The following WWC2 variants were observed in gnomAD, a reference collection of about 807,000 sequenced individuals.
WWC2 encodes the protein protein WWC2.
WWC2 carries 101 observed loss-of-function variants against 138.5 expected under a neutral mutation model. The ratio of observed to expected loss-of-function variants is 0.73; its 90% CI spans 0.62 to 0.86. The LOEUF (loss-of-function observed/expected upper bound fraction) is 0.86, where lower values mean the gene tolerates loss of function less well. Among genes scored for constraint, WWC2 ranks in the 40% least tolerant of loss-of-function variants. The pLI is 0.00. For synonymous variants in WWC2, 558 were observed against 538.4 expected (o/e 1.04, Z -0.50); for missense variants, 1,420 against 1,419.4 (o/e 1.00, Z -0.01).
chr4:183,224,592 G>A (rs866055386), intron 4 of WWC2, among the ~76,000 whole-genome samples: 4 of 151,944 alleles, frequency 2.6e-5, no homozygotes, highest in Non-Finnish European at 5.9e-5. Context: ...ACGGAGTCTC[G>A]CTCTGTCACC....
chr4:183,270,191 T>G (rs1477154796), intron 15 of WWC2, among the ~76,000 whole-genome samples: 1 of 152,246 alleles, frequency 6.6e-6, no homozygotes, highest in Non-Finnish European at 1.5e-5. Context: ...AGATGTCATA[T>G]TTAGTATAAT....
intron 16 of WWC2, among the ~76,000 whole-genome samples, chr4:183,279,335 C>T (rs1348603117): frequency 6.6e-6 from 1 of 151,958 alleles, no homozygotes; most frequent in Non-Finnish European, 1.5e-5. Flanking sequence ...CCCACTTGAT[C>T]ATGGTGGATA....
intron 2 of WWC2, among the ~76,000 whole-genome samples, chr4:183,201,428 C>T (rs916211811): frequency 1.3e-5 from 2 of 152,166 alleles, no homozygotes; most frequent in African/African-American, 4.8e-5. Context: ...GCAGTGGTTG[C>T]ACTGTGCCCG....
Position 183,099,402 on chromosome 4 carries a change from G to T in WWC2, c.-90G>T. ...AGCCCCTCGCCGGCGCCCGCGTCGC[G>T]GGTTGGCAGCCTAGCCCGGCAGCCG... On this transcript the variant is annotated 5_prime_UTR_variant, in exon 1 of 23. Transcript: ENST00000403733. 2 of 1,070,752 alleles carry T rather than the reference G, an allele frequency of 1.9e-6. No homozygotes were observed. The highest frequency in any genetic ancestry group is 2.3e-6 in the Non-Finnish European group (2 of 858,080). The allele number at this position is 1,070,752 out of a possible 1,614,324, so 66.3% of individuals were successfully genotyped here.
chr4:183,188,605 TCTA>T (rs1275456004), intron 1 of WWC2, among the ~76,000 whole-genome samples: 50 of 146,292 alleles, frequency 3.4e-4, no homozygotes, highest in African/African-American at 1.3e-3. Flanking sequence ...TCTCTCTCTC[TCTA>T]TCTAATATGA....
At chr4:183,190,565 A>G (rs1442336853) in intron 1 of WWC2, among the ~76,000 whole-genome samples, 2 of 152,114 alleles carry the variant, frequency 1.3e-5, no homozygotes, top group Non-Finnish European at 2.9e-5. Context: ...GGTTTTACTT[A>G]TTGATAGAGT....
chr4:183,150,625 G>T (rs1015433495), intron 1 of WWC2, among the ~76,000 whole-genome samples: 1 of 151,884 alleles, frequency 6.6e-6, no homozygotes, highest in African/African-American at 2.4e-5. Flanking sequence ...GGTTTGCTGC[G>T]CCCATTAACT....
chr4:183,294,627 C>T (rs1738571611), intron 21 of WWC2, among the ~76,000 whole-genome samples: 1 of 152,228 alleles, frequency 6.6e-6, no homozygotes, highest in Admixed American at 6.5e-5. Context: ...TCCTAGTCCC[C>T]AGCGCCAGAC....
chr4:183,162,135 C>T (rs532371693), intron 1 of WWC2, among the ~76,000 whole-genome samples: 1 of 152,254 alleles, frequency 6.6e-6, no homozygotes, highest in South Asian at 2.1e-4. Context: ...AAGATACTTG[C>T]TCTGTATTGT....
chr4:183,195,876 A>G (rs762507390), intron 2 of WWC2, among the ~76,000 whole-genome samples: 44 of 152,046 alleles, frequency 2.9e-4, no homozygotes, highest in Non-Finnish European at 5.4e-4. Context: ...TAGTTTGGAT[A>G]TTTGTCCCAT....
rs142755019 is a variant in WWC2 at position 183,241,506 on chromosome 4, A to G, written c.602+1244A>G. ...AGACTCCTTTTTTCCTGCTTACCGC[A>G]TAGAATCATGACCCTGATACTCCTT... On this transcript the variant is annotated intron_variant, in intron 5 of 22. Coordinates refer to ENST00000403733, the MANE Select transcript of WWC2 (RefSeq NM_024949.6). 1.2e-4 allele frequency among the ~76,000 whole-genome samples: 18 copies of G among 152,302 alleles called. No individual in the cohort carries two copies. The East Asian group carries it at 2.7e-3, about 23-fold the overall frequency.
rs1177276524 is a variant in WWC2 at position 183,253,754 on chromosome 4, T to C, written c.954-3T>C. On this transcript the variant is annotated splice_region_variant and splice_polypyrimidine_tract_variant and intron_variant, in intron 8 of 22. Coordinates refer to ENST00000403733, the MANE Select transcript of WWC2 (RefSeq NM_024949.6). ...CATACCTCTTCTATCTTTTTTTTTT[T>C]AGTATGGCCAACTTAAAAATTGAAC... 8.7e-6 allele frequency: 14 copies of C among 1,603,140 alleles called. No homozygotes were observed. In the East Asian group the frequency reaches 1.1e-4, roughly 13 times the overall value.
intron 5 of WWC2, 34 bp downstream of exon 5, chr4:183,240,296 A>G: frequency 3.4e-6 from 5 of 1,484,710 alleles, no homozygotes; most frequent in Non-Finnish European, 4.6e-6. Flanking sequence ...ACTTTAGAAT[A>G]AGCTCCCTAA....
intron 1 of WWC2, among the ~76,000 whole-genome samples, chr4:183,177,113 A>C (rs1369968422): frequency 2.0e-5 from 3 of 152,180 alleles, no homozygotes; most frequent in African/African-American, 7.2e-5. Context: ...AAGGAGATAA[A>C]TTCAGACATG....
At chr4:183,273,514 G>T (rs557773399) in intron 16 of WWC2, among the ~76,000 whole-genome samples, 2 of 152,202 alleles carry the variant, frequency 1.3e-5, no homozygotes, top group South Asian at 4.1e-4. Context: ...ATGTTGGTCA[G>T]GCTGGTCTCA....
chr4:183,135,707 C>T (rs1733089456), intron 1 of WWC2, among the ~76,000 whole-genome samples: 1 of 152,176 alleles, frequency 6.6e-6, no homozygotes, highest in East Asian at 1.9e-4. Context: ...GGATCACTTT[C>T]TTTCCTCAGT....
At chr4:183,245,830 A>G (rs1237978137) in intron 6 of WWC2, among the ~76,000 whole-genome samples, 1 of 152,170 alleles carries the variant, frequency 6.6e-6, no homozygotes, top group Non-Finnish European at 1.5e-5. Flanking sequence ...GGAGATTAAC[A>G]TCTTGGTGCA....
chr4:183,259,166 GT>G (rs1737243554), intron 9 of WWC2, among the ~76,000 whole-genome samples: 1 of 152,152 alleles, frequency 6.6e-6, no homozygotes, highest in Admixed American at 6.5e-5. Flanking sequence ...TCAAATCAGG[GT>G]TGGGAATGTT....
chr4:183,219,604 C>T (rs1224440730), intron 4 of WWC2, among the ~76,000 whole-genome samples: 1 of 151,938 alleles, frequency 6.6e-6, no homozygotes, highest in Non-Finnish European at 1.5e-5. Flanking sequence ...TATTTAAAAG[C>T]AAAATATAAG....
Sources: gnomAD v4.1 joint callset for allele counts (sites outside exome capture counted in the v4.1 genomes callset) on GRCh38, gnomAD v4.1.1 for gene constraint, MANE v1.5 for transcripts, NCBI Gene and HGNC (gene_info 2026-07-23, HGNC 2026-07-21) for gene names.